TNKS2: variants seen among roughly 807,000 people sequenced by gnomAD.
The protein encoded by TNKS2 is tankyrase 2.
TNKS2 carries 72 observed loss-of-function variants against 137.6 expected under a neutral mutation model. The observed-to-expected ratio is 0.52, with a 90% CI of 0.43 to 0.64. The LOEUF is 0.64. TNKS2 is among the 30% of genes least tolerant of loss of function. TNKS2 has a pLI of 0.00. For missense variants in TNKS2, 1,049 were observed against 1,410.2 expected (o/e 0.74, Z 4.10); for synonymous variants, 516 against 512.1 (o/e 1.01, Z -0.10).
chr10:91,846,382 C>T (rs1293676801), intron 18 of TNKS2, among the ~76,000 whole-genome samples: 1 of 152,198 alleles, frequency 6.6e-6, no homozygotes, highest in Non-Finnish European at 1.5e-5. Context: ...TCCCACACTG[C>T]CTCATCCCAG....
chr10:91,839,650 C>A (rs1402537527), intron 13 of TNKS2, among the ~76,000 whole-genome samples: 1 of 152,164 alleles, frequency 6.6e-6, no homozygotes, highest in Non-Finnish European at 1.5e-5. Flanking sequence ...GTTACTGAAC[C>A]ACCAGCATCA....
intron 9 of TNKS2, 106 bp downstream of exon 9, chr10:91,828,512 A>G: frequency 8.7e-7 from 1 of 1,148,740 alleles, no homozygotes. Flanking sequence ...CTATAGTTTT[A>G]AAAAATTACT....
intron 12 of TNKS2, among the ~76,000 whole-genome samples, chr10:91,835,592 C>CTTTTTTTTTTTTTTTTT (rs35247985): frequency 1.8e-5 from 2 of 109,426 alleles, no homozygotes; most frequent in Non-Finnish European, 3.7e-5. Flanking sequence ...CCCGGCCTTT[C>CTTTTTTTTTTTTTTTTT]TTTTTTTTTT....
At chr10:91,833,440 A>AT (rs907800672) in intron 11 of TNKS2, among the ~76,000 whole-genome samples, 14 of 152,130 alleles carry the variant, frequency 9.2e-5, no homozygotes, top group African/African-American at 3.4e-4. Context: ...AAGGGAGAAG[A>AT]TTAAGCCTAT....
chr10:91,815,101 T>C (rs1431959054), intron 2 of TNKS2, among the ~76,000 whole-genome samples: 3 of 137,154 alleles, frequency 2.2e-5, no homozygotes, highest in Non-Finnish European at 3.1e-5. Flanking sequence ...TGAGACAGAT[T>C]CAAGGATTTT....
At chr10:91,819,354 CTT>C (rs747107014) in intron 4 of TNKS2, 48 bp downstream of exon 4, 1 of 1,225,766 alleles carries the variant, frequency 8.2e-7, no homozygotes, top group African/African-American at 1.9e-5. Flanking sequence ...TCACCATTAA[CTT>C]TTTCTTTTTT....
intron 8 of TNKS2, among the ~76,000 whole-genome samples, chr10:91,827,743 G>A (rs1845112058): frequency 6.6e-6 from 1 of 152,164 alleles, no homozygotes; most frequent in Admixed American, 6.5e-5. Context: ...GAATAATAAA[G>A]AATGATTGGT....
At chr10:91,802,196 A>C (rs1844192902) in intron 1 of TNKS2, among the ~76,000 whole-genome samples, 1 of 152,204 alleles carries the variant, frequency 6.6e-6, no homozygotes, top group Admixed American at 6.5e-5. Context: ...TATTATATTC[A>C]ATTGTGTGAA....
chr10:91,855,777 T>C, intron 23 of TNKS2, 89 bp downstream of exon 23: 2 of 921,002 alleles, frequency 2.2e-6, no homozygotes, highest in Non-Finnish European at 3.3e-6. Context: ...CTAATCTGTC[T>C]AGCCTGGTAA....
chr10:91,815,737 A>ATGTGGCTCACATTTTATTTC (rs1372136311), intron 2 of TNKS2, among the ~76,000 whole-genome samples: 1 of 152,076 alleles, frequency 6.6e-6, no homozygotes, highest in African/African-American at 2.4e-5. Flanking sequence ...TAAATTATTT[A>ATGTGGCTCACATTTTATTTC]TGTGGCTCAC....
intron 1 of TNKS2, among the ~76,000 whole-genome samples, chr10:91,804,399 A>G (rs1844262361): frequency 6.6e-6 from 1 of 152,220 alleles, no homozygotes; most frequent in Non-Finnish European, 1.5e-5. Context: ...TAGTAGATTC[A>G]TACTCTGTGT....
intron 13 of TNKS2, among the ~76,000 whole-genome samples, chr10:91,839,816 G>T (rs1208842670): frequency 6.6e-6 from 1 of 152,076 alleles, no homozygotes; most frequent in Non-Finnish European, 1.5e-5. Flanking sequence ...ATTACCTAGG[G>T]ATCTTGTTAA....
At chr10:91,822,609 A>G (rs1246178928) in intron 7 of TNKS2, among the ~76,000 whole-genome samples, 2 of 151,766 alleles carry the variant, frequency 1.3e-5, no homozygotes, top group Non-Finnish European at 2.9e-5. Flanking sequence ...ACTCTTGCCC[A>G]GGCCGGAGTG....
At chr10:91,862,346 C>G (rs1304739548) in intron 26 of TNKS2, among the ~76,000 whole-genome samples, 191 bp downstream of exon 26, 2 of 152,054 alleles carry the variant, frequency 1.3e-5, no homozygotes, top group African/African-American at 4.8e-5. Context: ...ACCTAGATTT[C>G]CTAAATGTTA....
At chr10:91,803,928 G>A (rs1844250517) in intron 1 of TNKS2, among the ~76,000 whole-genome samples, 1 of 152,250 alleles carries the variant, frequency 6.6e-6, no homozygotes, top group South Asian at 2.1e-4. Flanking sequence ...ACAGGAGGGG[G>A]ATAGCATTTA....
chr10:91,854,936 G>A, intron 21 of TNKS2, 93 bp from the exon 22 acceptor site: 4 of 592,068 alleles, frequency 6.8e-6, no homozygotes, highest in Admixed American at 3.1e-5. Context: ...AAAATTGGTA[G>A]TAAGAATCAG....
chr10:91,802,636 T>C (rs968774913), intron 1 of TNKS2, among the ~76,000 whole-genome samples: 1 of 152,232 alleles, frequency 6.6e-6, no homozygotes. Flanking sequence ...AAAGATATAC[T>C]AGCTTTTGTG....
intron 21 of TNKS2, among the ~76,000 whole-genome samples, chr10:91,852,834 AT>A (rs1244896471): frequency 6.6e-6 from 1 of 152,230 alleles, no homozygotes; most frequent in Non-Finnish European, 1.5e-5. Context: ...TTAAACTGGT[AT>A]TTTAGAATAA....
intron 1 of TNKS2, among the ~76,000 whole-genome samples, chr10:91,800,781 A>G (rs1336406993): frequency 2.0e-5 from 3 of 152,242 alleles, no homozygotes; most frequent in Admixed American, 2.0e-4. Context: ...ACTTTTTTAA[A>G]AATTGGGTTT....
Sources: gnomAD v4.1 joint callset for allele counts (sites outside exome capture counted in the v4.1 genomes callset) on GRCh38, gnomAD v4.1.1 for gene constraint, MANE v1.5 for transcripts, NCBI Gene and HGNC (gene_info 2026-07-23, HGNC 2026-07-21) for gene names.